DMAC2L: variants seen among roughly 807,000 people sequenced by gnomAD.
DMAC2L encodes ATP synthase subunit s, mitochondrial.
Under a neutral mutation model 22.5 loss-of-function variants are expected in DMAC2L, and 21 were observed. That is an observed-to-expected ratio of 0.93 (90% confidence interval 0.66 to 1.34). DMAC2L has a LOEUF of 1.34. Ranked by LOEUF, DMAC2L falls within the 40% of genes most tolerant of loss-of-function variation. The pLI, the probability that DMAC2L is intolerant of heterozygous loss-of-function variation, is 0.00. For missense variants in DMAC2L, 239 were observed against 246.5 expected (o/e 0.97, Z 0.20); for synonymous variants, 86 against 89.5 (o/e 0.96, Z 0.22).
At chr14:50,320,421 A>G (rs2032171918) in intron 2 of DMAC2L, among the ~76,000 whole-genome samples, 1 of 152,124 alleles carries the variant, frequency 6.6e-6, no homozygotes, top group Admixed American at 6.5e-5. Flanking sequence ...TACATACAGA[A>G]TACAGTCCAA....
At chr14:50,312,704 G>A (rs2031353857) in intron 1 of DMAC2L, 1 of 378,160 alleles carries the variant, frequency 2.6e-6, no homozygotes, top group Non-Finnish European at 4.7e-6. Flanking sequence ...GGAGGGCCTG[G>A]GCACCCACCG....
At chr14:50,313,377 C>T (rs2031442685) in intron 1 of DMAC2L, among the ~76,000 whole-genome samples, 1 of 152,128 alleles carries the variant, frequency 6.6e-6, no homozygotes, top group Non-Finnish European at 1.5e-5. Flanking sequence ...CAGTGTCTCC[C>T]TAGTCTTAGG....
intron 1 of DMAC2L, among the ~76,000 whole-genome samples, chr14:50,313,903 C>T (rs2031512661): frequency 6.6e-6 from 1 of 152,192 alleles, no homozygotes; most frequent in Non-Finnish European, 1.5e-5. Context: ...CAGCCCCACC[C>T]AATCTATTCT....
rs2032728354 is a variant in DMAC2L at position 50,326,960 on chromosome 14, G to C, written c.*1237G>C. 1 of 158,568 alleles carries C rather than the reference G, an allele frequency of 6.3e-6. No homozygotes were observed. The highest frequency in any genetic ancestry group is 6.5e-5 in the Admixed American group (1 of 15,270). 9.8% of individuals were successfully genotyped at this position (158,568 alleles called of 1,614,324 possible). A position where few individuals can be genotyped will look rare whatever the true frequency, so the allele number is the denominator to read the frequency against. ...GGAGGTTGAGGTGGTAGGATTGCTT[G>C]AGCTCAGGAGTTTGAGGCTGCAGTA... On this transcript the variant is annotated 3_prime_UTR_variant, in exon 6 of 6. Transcript: ENST00000557421.
chr14:50,321,565 C>A lies in DMAC2L; in HGVS notation c.78C>A (p.Phe26Leu), dbSNP rs2032277212. 9.3e-6 allele frequency: 15 copies of A among 1,614,008 alleles called. No homozygotes were observed. Among genetic ancestry groups the A allele is most frequent in the Admixed American group, 1.7e-5 (1 of 60,020 alleles). Residue 26 changes from phenylalanine to leucine, a missense_variant, in exon 3 of 6, where the codon TTC becomes TTA. Coordinates refer to ENST00000557421, the MANE Select transcript of DMAC2L (RefSeq NM_001382507.1). ...CATGGTCATGTGACTCCAGATACTT[C>A]TGGGGCTGGTTGAATGCAGTGTTTA... ...KLPWSCDSRY[F>L]WGWLNAVFNK...
Position 50,323,953 on chromosome 14 carries a change from G to C in DMAC2L, c.325G>C (p.Glu109Gln). ...SIGFDHMEGL[E>Q]HVEKIRLCKC... ...GTACTTTTTCTCCCCAGAGGGCCTA[G>C]AGCATGTTGAAAAAATAAGGCTGTG... Residue 109 changes from glutamate (E) to glutamine (Q), a missense_variant, in exon 5 of 6, where the codon GAG (glutamate) becomes CAG (glutamine). Transcript: ENST00000557421. The C allele has an allele frequency of 6.2e-7, 1 of 1,610,444 alleles. No homozygotes were observed. The highest frequency in any genetic ancestry group is 1.1e-5 in the South Asian group (1 of 90,360).
At chr14:50,314,426 G>A (rs953955208) in intron 1 of DMAC2L, among the ~76,000 whole-genome samples, 165 bp from the exon 2 acceptor site, 20 of 152,200 alleles carry the variant, frequency 1.3e-4, no homozygotes, top group African/African-American at 3.9e-4. Flanking sequence ...TCTCGGTCTC[G>A]GGTATGTCTT....
intron 1 of DMAC2L, chr14:50,312,848 T>C: frequency 3.0e-6 from 2 of 667,850 alleles, no homozygotes; most frequent in South Asian, 3.6e-5. Flanking sequence ...ACTTCTTTTA[T>C]GGGGCTCCTG....
rs749061900 is a variant in DMAC2L at position 50,322,526 on chromosome 14, C to A, written c.123C>A (p.Arg41=). 2 of 1,611,966 alleles carry A rather than the reference C, an allele frequency of 1.2e-6. No homozygotes were observed. The highest frequency in any genetic ancestry group is 2.2e-5 in the South Asian group (2 of 91,002). ...NAVFNKVDYD[R]IRDVGPDRAA... ...TTGCCAACAGGGTGGATTATGATCGCATCAGGGATGTTGGCCCTGACAGGG... is the reference window on the plus strand; with the variant it reads ...TTGCCAACAGGGTGGATTATGATCGAATCAGGGATGTTGGCCCTGACAGGG... Residue 41 remains arginine (R), a synonymous_variant, in exon 4 of 6, where the codon CGC becomes CGA. Transcript: ENST00000557421.
chr14:50,326,719 G>C lies in DMAC2L; in HGVS notation c.*996G>C, dbSNP rs1255987026. ...ATAAAGGAAACAGTAAAAACTAGTG[G>C]GCTATGCTTAGGTTTTTCTTGAAAC... On this transcript the variant is annotated 3_prime_UTR_variant, in exon 6 of 6. Coordinates refer to ENST00000557421, the MANE Select transcript of DMAC2L (RefSeq NM_001382507.1). The C allele has an allele frequency of 1.0e-6, 1 of 985,232 alleles. No homozygotes were observed. Among genetic ancestry groups the C allele is most frequent in the African/African-American group, 1.7e-5 (1 of 57,184 alleles). 61.0% of individuals were successfully genotyped at this position (985,232 alleles called of 1,614,324 possible). A position where few individuals can be genotyped will look rare whatever the true frequency, so the allele number is the denominator to read the frequency against.
intron 1 of DMAC2L, among the ~76,000 whole-genome samples, chr14:50,314,012 A>C (rs143695360): frequency 2.6e-5 from 4 of 152,346 alleles, no homozygotes; most frequent in Non-Finnish European, 5.9e-5. Context: ...ATTCAGCATA[A>C]TCCCTTGAGA....
In DMAC2L at chr14:50,325,692, C is replaced by A. The variant is rs775147044; in HGVS notation, c.572C>A (p.Pro191His). The change falls in exon 6 of 6, where the codon CCT (proline) becomes CAT (histidine). Residue 191 changes from proline to histidine, a missense_variant. Transcript: ENST00000557421. ...GTCCAAGCCTTTAAGACAGCACTGC[C>A]TTCTCTGGAACTAAAATTACAATTG... ...NLVQAFKTAL[P>H]SLELKLQLK 4 of 1,612,318 alleles carry A rather than the reference C, an allele frequency of 2.5e-6. No homozygotes were observed. Among genetic ancestry groups the A allele is most frequent in the Non-Finnish European group, 3.4e-6 (4 of 1,179,312 alleles).
Position 50,323,872 on chromosome 14 carries a change from G to A in DMAC2L, c.317-73G>A. 3 of 1,344,336 alleles carry A rather than the reference G, an allele frequency of 2.2e-6. No individual in the cohort carries two copies. The South Asian group carries it at 4.2e-5, about 19-fold the overall frequency. 83.3% of individuals were successfully genotyped at this position (1,344,336 alleles called of 1,614,324 possible). On this transcript the variant is annotated intron_variant, in intron 4 of 5. Transcript: ENST00000557421. Reference sequence around the variant, plus strand: ...GACTTTCAGTCCTAAAACCAAGTCAGTCGTGGGCAAACCAGGACAGTTTGT... The same window carrying A: ...GACTTTCAGTCCTAAAACCAAGTCAATCGTGGGCAAACCAGGACAGTTTGT...
chr14:50,320,226 T>C (rs1163817446), intron 2 of DMAC2L, among the ~76,000 whole-genome samples: 1 of 152,176 alleles, frequency 6.6e-6, no homozygotes, highest in East Asian at 1.9e-4. Flanking sequence ...CCCGAGTAGC[T>C]GGGACTACAG....
chr14:50,323,675 T>C (rs1387277898), intron 4 of DMAC2L, among the ~76,000 whole-genome samples: 2 of 152,234 alleles, frequency 1.3e-5, no homozygotes, highest in African/African-American at 4.8e-5. Flanking sequence ...ATTACAGGTG[T>C]GAGCCACTGG....
At chr14:50,316,754 T>G (rs545200635) in intron 2 of DMAC2L, among the ~76,000 whole-genome samples, 12 of 152,346 alleles carry the variant, frequency 7.9e-5, no homozygotes, top group African/African-American at 2.6e-4. Flanking sequence ...TTGGTGTATG[T>G]GCCTATTTTT....
At chr14:50,323,912 A>G (rs199543446) in intron 4 of DMAC2L, 33 bp from the exon 5 acceptor site, 467 of 1,548,746 alleles carry the variant, frequency 3.0e-4, no homozygotes, top group Non-Finnish European at 4.0e-4. Flanking sequence ...TTAGTGGTAA[A>G]GCAGATTCTT....
At chr14:50,321,429 A>G (rs1267945771) in intron 2 of DMAC2L, 54 bp from the exon 3 acceptor site, 45 of 1,602,404 alleles carry the variant, frequency 2.8e-5, no homozygotes, top group Non-Finnish European at 3.6e-5. Context: ...GTAAGTTGCT[A>G]TATGTATGGG....
At chr14:50,315,218 G>A (rs1387025196) in intron 2 of DMAC2L, among the ~76,000 whole-genome samples, 14 of 148,230 alleles carry the variant, frequency 9.4e-5, no homozygotes, top group African/African-American at 2.2e-4. Flanking sequence ...CACCCGCCTC[G>A]GCCTCCCAAA....
Sources: allele counts gnomAD v4.1 joint callset (sites outside exome capture counted in the v4.1 genomes callset), GRCh38; gene constraint gnomAD v4.1.1; transcripts MANE v1.5; gene names NCBI Gene and HGNC (gene_info 2026-07-23, HGNC 2026-07-21).